The following CSGALNACT1 variants were observed in gnomAD, a reference collection of about 807,000 sequenced individuals.
CSGALNACT1 encodes the protein beta4GalNAcT-1.
CSGALNACT1 carries 52 observed loss-of-function variants against 51.0 expected under a neutral mutation model. The ratio of observed to expected loss-of-function variants is 1.02; its 90% CI spans 0.82 to 1.29. The LOEUF is 1.29. Ranked by LOEUF, CSGALNACT1 falls within the 50% of genes most tolerant of loss-of-function variation. The probability of loss-of-function intolerance (pLI) is 0.00; values close to 1 mark genes in which losing one functional copy is unlikely to be tolerated. For synonymous variants in CSGALNACT1, 341 were observed against 254.4 expected (o/e 1.34, Z -3.24); for missense variants, 935 against 679.2 (o/e 1.38, Z -4.19).
intron 6 of CSGALNACT1, among the ~76,000 whole-genome samples, chr8:19,428,117 A>T (rs2059062977): frequency 6.6e-6 from 1 of 152,074 alleles, no homozygotes; most frequent in Non-Finnish European, 1.5e-5. Flanking sequence ...CTTGCTCTGT[A>T]AAGTCTGGAT....
intron 4 of CSGALNACT1, among the ~76,000 whole-genome samples, chr8:19,460,563 C>G (rs2065138079): frequency 1.3e-5 from 2 of 152,154 alleles, no homozygotes; most frequent in African/African-American, 2.4e-5. Flanking sequence ...AAGAATGCAC[C>G]TCCCAGTCAC....
chr8:19,432,230 A>G (rs1348307414), intron 6 of CSGALNACT1, among the ~76,000 whole-genome samples: 1 of 152,198 alleles, frequency 6.6e-6, no homozygotes, highest in Non-Finnish European at 1.5e-5. Flanking sequence ...GGTTTTGCTG[A>G]TAACAGAATT....
intron 1 of CSGALNACT1, among the ~76,000 whole-genome samples, chr8:19,630,687 G>C (rs2055129011): frequency 6.6e-6 from 1 of 152,136 alleles, no homozygotes; most frequent in Non-Finnish European, 1.5e-5. Context: ...TGTCTCTATA[G>C]TTTTATCTTT....
intron 1 of CSGALNACT1, among the ~76,000 whole-genome samples, chr8:19,679,882 G>C (rs189660705): frequency 6.6e-6 from 1 of 152,166 alleles, no homozygotes; most frequent in Non-Finnish European, 1.5e-5. Flanking sequence ...CTATAAAAGT[G>C]AGGAATGTGC....
At chr8:19,743,382 A>G (rs2154250711) in intron 1 of CSGALNACT1, among the ~76,000 whole-genome samples, 1 of 152,308 alleles carries the variant, frequency 6.6e-6, no homozygotes, top group East Asian at 1.9e-4. Flanking sequence ...CAAATGAGAA[A>G]GTACTATGAA....
chr8:19,611,736 T>C (rs1336690890), intron 1 of CSGALNACT1, among the ~76,000 whole-genome samples: 4 of 152,144 alleles, frequency 2.6e-5, no homozygotes, highest in Non-Finnish European at 1.5e-5. Flanking sequence ...ATTGCATAGC[T>C]ACAGTTCTAA....
upstream of CSGALNACT1, chr8:19,682,665 A>C (rs1417481776): frequency 2.2e-6 from 1 of 454,108 alleles, no homozygotes; most frequent in East Asian, 7.0e-5. Flanking sequence ...AACCACAAGG[A>C]AGCCATTGAC....
At chr8:19,423,986 G>T (rs76839895) in intron 6 of CSGALNACT1, among the ~76,000 whole-genome samples, 2,378 of 152,254 alleles carry the variant, frequency 0.016, 55 homozygotes, top group African/African-American at 0.055. Flanking sequence ...CAGACACCTC[G>T]GCTTGCCTGT....
upstream of CSGALNACT1, chr8:19,682,868 C>G (rs947535609): frequency 7.8e-6 from 3 of 383,268 alleles, no homozygotes; most frequent in South Asian, 1.9e-5. Flanking sequence ...GCAGCCCTCA[C>G]AGGTCCAACT....
intron 1 of CSGALNACT1, among the ~76,000 whole-genome samples, chr8:19,705,629 C>G (rs375763531): frequency 1.4e-4 from 21 of 152,080 alleles, no homozygotes; most frequent in African/African-American, 5.1e-4. Context: ...CCCAACTACT[C>G]GGAAGCCTGA....
At chr8:19,404,523 G>C in exon 10 of CSGALNACT1, 1 of 453,666 alleles carries the variant, frequency 2.2e-6, no homozygotes, top group Non-Finnish European at 4.4e-6. Context: ...AAATAATTCA[G>C]TTACTTCCAC....
exon 4 of CSGALNACT1, chr8:19,505,344 G>C (rs760401027): frequency 1.2e-6 from 2 of 1,614,216 alleles, no homozygotes; most frequent in Admixed American, 1.7e-5. Context: ...GGGGTGGCGG[G>C]TAAGGCCAGT....
chr8:19,482,522 T>A (rs1586921326), intron 4 of CSGALNACT1, among the ~76,000 whole-genome samples: 2 of 152,170 alleles, frequency 1.3e-5, no homozygotes, highest in East Asian at 3.9e-4. Flanking sequence ...ACTGCCTTTC[T>A]CAATATTCGA....
At chr8:19,501,920 C>T (rs7831193) in intron 4 of CSGALNACT1, among the ~76,000 whole-genome samples, 10 of 152,058 alleles carry the variant, frequency 6.6e-5, no homozygotes, top group Admixed American at 2.6e-4. Flanking sequence ...AAAATTACTG[C>T]GATTACGTAA....
chr8:19,441,924 T>C (rs1236113682), intron 5 of CSGALNACT1, among the ~76,000 whole-genome samples: 2 of 152,160 alleles, frequency 1.3e-5, no homozygotes, highest in African/African-American at 4.8e-5. Flanking sequence ...GAACAGACAC[T>C]TCTCAAAAGA....
upstream of CSGALNACT1, among the ~76,000 whole-genome samples, chr8:19,684,099 G>T (rs968293559): frequency 6.6e-6 from 1 of 152,116 alleles, no homozygotes; most frequent in African/African-American, 2.4e-5. Context: ...CTGGGAGGCG[G>T]AGATTGCAGG....
intron 3 of CSGALNACT1, among the ~76,000 whole-genome samples, chr8:19,572,550 C>T (rs187554686): frequency 1.3e-5 from 2 of 152,328 alleles, no homozygotes; most frequent in Admixed American, 6.5e-5. Context: ...AAACCACTTT[C>T]TGGGTACATA....
intron 9 of CSGALNACT1, among the ~76,000 whole-genome samples, chr8:19,407,378 G>T (rs942683605): frequency 6.6e-6 from 1 of 152,116 alleles, no homozygotes; most frequent in Non-Finnish European, 1.5e-5. Context: ...TGGGGAGCCT[G>T]GGGATGGGAC....
intron 1 of CSGALNACT1, among the ~76,000 whole-genome samples, chr8:19,735,248 C>G (rs984266412): frequency 1.3e-5 from 2 of 152,070 alleles, no homozygotes; most frequent in Non-Finnish European, 2.9e-5. Context: ...TATAAGGCCT[C>G]CTTCACACAG....
Sources: gnomAD v4.1 joint callset for allele counts (sites outside exome capture counted in the v4.1 genomes callset) on GRCh38, gnomAD v4.1.1 for gene constraint, MANE v1.5 for transcripts, NCBI Gene and HGNC (gene_info 2026-07-23, HGNC 2026-07-21) for gene names.